Variants in UPF2 observed in about 807,000 individuals in gnomAD.
UPF2 encodes the protein UPF2 regulator of nonsense mediated mRNA decay.
A neutral mutation model predicts 141.4 loss-of-function variants in UPF2; 17 were observed. The ratio of observed to expected loss-of-function variants is 0.12; its 90% CI spans 0.08 to 0.18. The LOEUF (loss-of-function observed/expected upper bound fraction) is 0.18. Ranked by LOEUF, UPF2 falls within the 10% of genes least tolerant of loss-of-function variation. The probability of loss-of-function intolerance (pLI) is 1.00; values close to 1 mark genes in which losing one functional copy is unlikely to be tolerated. For synonymous variants in UPF2, 540 were observed against 498.0 expected (o/e 1.08, Z -1.12); for missense variants, 1,152 against 1,515.9 (o/e 0.76, Z 3.99).
intron 1 of UPF2, among the ~76,000 whole-genome samples, chr10:12,039,231 C>T (rs1834691296): frequency 6.6e-6 from 1 of 152,114 alleles, no homozygotes; most frequent in South Asian, 2.1e-4. Context: ...CCAAGGCCTG[C>T]ACAGCTGGTG....
intron 2 of UPF2, among the ~76,000 whole-genome samples, chr10:12,030,809 G>A (rs1017548975): frequency 6.6e-6 from 1 of 151,406 alleles, no homozygotes; most frequent in Non-Finnish European, 1.5e-5. Context: ...GCTTGAACCC[G>A]GGAGGCGCAG....
intron 8 of UPF2, among the ~76,000 whole-genome samples, chr10:11,997,154 T>C (rs1833876382): frequency 6.6e-6 from 1 of 152,204 alleles, no homozygotes; most frequent in Non-Finnish European, 1.5e-5. Flanking sequence ...TGCAACTGAA[T>C]GTGTGTCTTG....
In UPF2 at chr10:11,956,608, G is replaced by A. The variant is rs1188561871; in HGVS notation, c.2371-85C>T. On this transcript the variant is annotated intron_variant, in intron 12 of 21. Coordinates refer to ENST00000357604, the MANE Select transcript of UPF2 (RefSeq NM_015542.4). The surrounding 1 kb of genome is among the most constrained non-coding windows in gnomAD (Gnocchi z 4.2). ...AATACAGAAATTTTGCTATGATTGC[G>A]CAGAGAACTTTTGAAATAGAAAATA... The A allele has an allele frequency of 6.8e-5, 87 of 1,270,164 alleles. No homozygotes were observed. Among genetic ancestry groups the A allele is most frequent in the Admixed American group, 2.0e-4 (9 of 44,830 alleles). The allele number at this position is 1,270,164 out of a possible 1,614,324, so 78.7% of individuals were successfully genotyped here. A position where few individuals can be genotyped will look rare whatever the true frequency, so the allele number is the denominator to read the frequency against.
intron 2 of UPF2, among the ~76,000 whole-genome samples, chr10:12,031,780 G>C (rs1282756365): frequency 1.3e-5 from 2 of 151,960 alleles, no homozygotes; most frequent in Admixed American, 6.6e-5. Flanking sequence ...GTCTCAAAAA[G>C]TTATACGCAT....
intron 4 of UPF2, among the ~76,000 whole-genome samples, chr10:12,013,158 TTATA>T (rs1439096611): frequency 6.6e-6 from 1 of 151,840 alleles, no homozygotes; most frequent in Non-Finnish European, 1.5e-5. Context: ...ATGTACATTA[TTATA>T]TATAAATACA....
chr10:12,010,219 T>A (rs1273558969), intron 4 of UPF2, among the ~76,000 whole-genome samples: 1 of 151,894 alleles, frequency 6.6e-6, no homozygotes, highest in Non-Finnish European at 1.5e-5. Flanking sequence ...CCAGGACACA[T>A]CCAATAAAAC....
intron 9 of UPF2, 92 bp from the exon 10 acceptor site, chr10:11,967,546 G>GTTTT (rs755905255): frequency 4.7e-3 from 1,144 of 242,422 alleles, no homozygotes; most frequent in South Asian, 0.01. Flanking sequence ...ATTCACTCCA[G>GTTTT]TTTTTTTTTT....
At chr10:11,947,321 T>C (rs1416336653) in intron 16 of UPF2, among the ~76,000 whole-genome samples, 1 of 152,132 alleles carries the variant, frequency 6.6e-6, no homozygotes, top group Non-Finnish European at 1.5e-5. Context: ...TAGTCATAGA[T>C]ACAAAAAGGG....
chr10:11,984,320 G>C (rs1343040124), intron 8 of UPF2, among the ~76,000 whole-genome samples: 1 of 152,058 alleles, frequency 6.6e-6, no homozygotes, highest in Non-Finnish European at 1.5e-5. Context: ...AAAAAATTAT[G>C]TTTCACTGAG....
chr10:11,928,328 T>C (rs766076222), intron 21 of UPF2, among the ~76,000 whole-genome samples: 5 of 148,004 alleles, frequency 3.4e-5, no homozygotes, highest in Non-Finnish European at 6.0e-5. Flanking sequence ...CAGAGTGAGA[T>C]TCGGTCTCAA....
intron 1 of UPF2, among the ~76,000 whole-genome samples, chr10:12,040,581 C>A (rs1017568410): frequency 1.3e-5 from 2 of 151,838 alleles, no homozygotes; most frequent in Admixed American, 6.6e-5. Context: ...AGTATACTTG[C>A]GACTAAATTT....
At chr10:12,007,941 A>G (rs1834062803) in intron 4 of UPF2, among the ~76,000 whole-genome samples, 1 of 149,810 alleles carries the variant, frequency 6.7e-6, no homozygotes, top group Admixed American at 6.7e-5. Flanking sequence ...CCCAGGCTGG[A>G]GTGCAATCTC....
chr10:11,922,789 T>C (rs1452947682), intron 21 of UPF2, among the ~76,000 whole-genome samples: 2 of 151,922 alleles, frequency 1.3e-5, no homozygotes, highest in African/African-American at 4.8e-5. Context: ...AAAAAAAATC[T>C]GATGAAAAAA....
rs374406706 is a variant in UPF2, at chr10:12,029,121, G to T, written c.769C>A (p.Pro257Thr). The T allele has an allele frequency of 5.0e-6, 8 of 1,614,078 alleles. No individual in the cohort carries two copies. The Admixed American group carries it at 1.3e-4, about 27-fold the overall frequency. The change falls in exon 3 of 22, where the codon CCT becomes ACT. Residue 257 changes from proline to threonine, a missense_variant. Physicochemically the swap from Pro to Thr is conservative, Grantham distance 38 (BLOSUM62 -1). Around this residue, in one of 4 missense-constraint regions of UPF2, gnomAD observed 739 missense variants for 1,032.2 expected, o/e 0.72. Coordinates refer to ENST00000357604, the MANE Select transcript of UPF2 (RefSeq NM_015542.4). The part of the protein sequence containing the change: ...HFEARKEEKT[P>T]NITKLRTDLR... ...TCAGTTCTTAACTTGGTGATGTTAGGTGTTTTCTCCTCTTTCCTTGCTTCA... is the reference window on the plus strand; with the variant it reads ...TCAGTTCTTAACTTGGTGATGTTAGTTGTTTTCTCCTCTTTCCTTGCTTCA...
chr10:11,964,223 C>T (rs768303428), intron 10 of UPF2, 98 bp from the exon 11 acceptor site: 22 of 797,310 alleles, frequency 2.8e-5, no homozygotes, highest in Admixed American at 5.7e-5. Context: ...ACTTGGAAAA[C>T]GTAAAAAACA....
At chr10:11,932,056 G>A (rs1173469366) in intron 19 of UPF2, among the ~76,000 whole-genome samples, 1 of 152,022 alleles carries the variant, frequency 6.6e-6, no homozygotes, top group Non-Finnish European at 1.5e-5. Context: ...GGCTGAGGCA[G>A]GAGAACTGCT....
At chr10:12,020,212 T>C (rs1834292836) in intron 3 of UPF2, among the ~76,000 whole-genome samples, 1 of 151,998 alleles carries the variant, frequency 6.6e-6, no homozygotes. Context: ...CTTCATTTTA[T>C]TAATTTTTGC....
chr10:11,925,968 A>G (rs1313158655), intron 21 of UPF2, among the ~76,000 whole-genome samples: 1 of 152,236 alleles, frequency 6.6e-6, no homozygotes, highest in Non-Finnish European at 1.5e-5. Context: ...TGTTTTAGAA[A>G]GAACACTGGG....
chr10:11,924,300 G>A (rs7894931), intron 21 of UPF2, among the ~76,000 whole-genome samples: 3 of 152,158 alleles, frequency 2.0e-5, no homozygotes, highest in African/African-American at 7.2e-5. Context: ...AGTTTATGCC[G>A]GGCGTGGTGG....
Sources: gnomAD v4.1 joint callset for allele counts (sites outside exome capture counted in the v4.1 genomes callset) on GRCh38, gnomAD v4.1.1 for gene constraint, gnomAD v4.1.1 regional missense constraint, Gnocchi (gnomAD v3.1) non-coding constraint, MANE v1.5 for transcripts, NCBI Gene and HGNC (gene_info 2026-07-23, HGNC 2026-07-21) for gene names.